TNKS2: variants seen among roughly 807,000 people sequenced by gnomAD.
The protein encoded by TNKS2 is tankyrase 2.
TNKS2 carries 72 observed loss-of-function variants against 137.6 expected under a neutral mutation model. The ratio of observed to expected loss-of-function variants is 0.52; its 90% confidence interval spans 0.43 to 0.64. The LOEUF (loss-of-function observed/expected upper bound fraction) is 0.64, where lower values mean the gene tolerates loss of function less well. Ranked by LOEUF, TNKS2 falls within the 30% of genes least tolerant of loss-of-function variation. The pLI is 0.00. For missense variants in TNKS2, 1,049 were observed against 1,410.2 expected (o/e 0.74, Z 4.10); for synonymous variants, 516 against 512.1 (o/e 1.01, Z -0.10).
In TNKS2 at chr10:91,848,301, A is replaced by T. The variant is rs987297326; in HGVS notation, c.2359-82A>T. The T allele has an allele frequency of 2.8e-6, 4 of 1,425,140 alleles. No individual in the cohort carries two copies. The African/African-American group carries it at 5.8e-5, about 21-fold the overall frequency. The allele number at this position is 1,425,140 out of a possible 1,614,324, so 88.3% of individuals were successfully genotyped here. A position where few individuals can be genotyped will look rare whatever the true frequency, so the allele number is the denominator to read the frequency against. On this transcript the variant is annotated intron_variant, in intron 18 of 26. Coordinates refer to ENST00000371627, the MANE Select transcript of TNKS2 (RefSeq NM_025235.4). ...CTGGCACAAATTGCTGGGTTTTCTCATATTTTTAAATATATTTTATTAGGT... is the reference window on the plus strand; with the variant it reads ...CTGGCACAAATTGCTGGGTTTTCTCTTATTTTTAAATATATTTTATTAGGT...
At chr10:91,840,420 A>G in intron 13 of TNKS2, 141 bp from the exon 14 acceptor site, 2 of 702,600 alleles carry the variant, frequency 2.8e-6, no homozygotes, top group South Asian at 4.3e-5. Context: ...TGAAATAAGA[A>G]TACTAAATAG....
intron 13 of TNKS2, among the ~76,000 whole-genome samples, chr10:91,839,015 C>T (rs920077543): frequency 6.6e-6 from 1 of 152,070 alleles, no homozygotes; most frequent in Non-Finnish European, 1.5e-5. Context: ...TTACAGGCGC[C>T]CGCCACCACG....
Position 91,798,576 on chromosome 10 carries a change from A to G in TNKS2, c.-115A>G. 1 of 1,154,660 alleles carries G rather than the reference A, an allele frequency of 8.7e-7. No homozygotes were observed. Among genetic ancestry groups the G allele is most frequent in the Non-Finnish European group, 1.1e-6 (1 of 928,028 alleles). 71.5% of individuals were successfully genotyped at this position (1,154,660 alleles called of 1,614,324 possible). On this transcript the variant is annotated 5_prime_UTR_variant, in exon 1 of 27. Transcript: ENST00000371627. ...CGGATCCGGTGACAGCAGGGAGCCA[A>G]GCGGCCCGGGCCCTGAGCGCGTCTT...
intron 8 of TNKS2, 88 bp downstream of exon 8, chr10:91,827,291 A>C: frequency 9.0e-7 from 1 of 1,108,816 alleles, no homozygotes; most frequent in Non-Finnish European, 1.2e-6. Context: ...AGAAATGTTT[A>C]AATAATAGAA....
intron 2 of TNKS2, among the ~76,000 whole-genome samples, chr10:91,816,857 A>G (rs576174642): frequency 1.3e-5 from 2 of 152,330 alleles, no homozygotes; most frequent in East Asian, 1.9e-4. Flanking sequence ...ACTCTTATCT[A>G]TCCTTAGTCA....
At chr10:91,850,586 G>A (rs1349427142) in intron 20 of TNKS2, among the ~76,000 whole-genome samples, 1 of 151,824 alleles carries the variant, frequency 6.6e-6, no homozygotes, top group Admixed American at 6.6e-5. Context: ...GGGCGTGGTG[G>A]CGGGCACCTG....
In TNKS2 at chr10:91,816,993, A is replaced by G. The variant is rs189365097; in HGVS notation, c.425-141A>G. 473 of 566,030 alleles carry G rather than the reference A, an allele frequency of 8.4e-4. 1 individual carries two copies. The highest frequency in any genetic ancestry group is 7.8e-3 in the African/African-American group (413 of 52,954). The allele number at this position is 566,030 out of a possible 1,614,324, so 35.1% of individuals were successfully genotyped here. ...GTATTATTTTTATATTTAAAATGTA[A>G]CATTCCCATTCTGACAAGATATGAA... On this transcript the variant is annotated intron_variant, in intron 2 of 26. Coordinates refer to ENST00000371627, the MANE Select transcript of TNKS2 (RefSeq NM_025235.4).
chr10:91,841,702 C>G (rs1309773584), intron 15 of TNKS2, among the ~76,000 whole-genome samples: 1 of 151,852 alleles, frequency 6.6e-6, no homozygotes, highest in South Asian at 2.1e-4. Flanking sequence ...TAGTTTTTCT[C>G]TTTGGTACTT....
chr10:91,799,680 T>C (rs527783809), intron 1 of TNKS2, among the ~76,000 whole-genome samples: 15 of 152,322 alleles, frequency 9.8e-5, no homozygotes, highest in Non-Finnish European at 2.1e-4. Context: ...CATATTAAAT[T>C]TAGTCGAAAA....
At chr10:91,836,880 T>C (rs1589675369) in intron 12 of TNKS2, 39 bp from the exon 13 acceptor site, 2 of 1,591,842 alleles carry the variant, frequency 1.3e-6, no homozygotes, top group Non-Finnish European at 1.7e-6. Flanking sequence ...ATCTTCCAAA[T>C]AGAGGTTAGT....
chr10:91,825,776 A>G (rs1485008089), intron 7 of TNKS2, among the ~76,000 whole-genome samples: 3 of 152,248 alleles, frequency 2.0e-5, no homozygotes, highest in Non-Finnish European at 4.4e-5. Flanking sequence ...GGAAATGGCT[A>G]AAATTAAAAA....
At chr10:91,833,212 C>G (rs905623652) in intron 11 of TNKS2, among the ~76,000 whole-genome samples, 1 of 152,206 alleles carries the variant, frequency 6.6e-6, no homozygotes, top group African/African-American at 2.4e-5. Flanking sequence ...TCCACTTTGA[C>G]AGATAACCAT....
At chr10:91,831,285 CT>C (rs1845238178) in intron 11 of TNKS2, 104 bp downstream of exon 11, 11 of 1,011,784 alleles carry the variant, frequency 1.1e-5, no homozygotes, top group Admixed American at 2.2e-5. Context: ...ATAAGTATTA[CT>C]TTTTTTTCCT....
At position 91,842,194 on chromosome 10, in the gene TNKS2, A is replaced by G; in HGVS notation, c.1862A>G (p.Lys621Arg). Residue 621 changes from lysine to arginine, a missense_variant, in exon 16 of 27, where the codon AAA becomes AGA. Physicochemically the swap from Lys to Arg is conservative, Grantham distance 26 (BLOSUM62 2). Around this residue, in one of 6 missense-constraint regions of TNKS2, gnomAD observed 328 missense variants for 436.0 expected, o/e 0.75. Transcript: ENST00000371627. The part of the protein sequence containing the change: ...LLQHGADPTK[K>R]NRDGNTPLDL... ...TAGCATGGTGCAGACCCTACAAAAA[A>G]AAACAGGGATGGAAATACTCCTTTG... is the stretch of plus-strand genomic sequence containing the variant. The G allele has an allele frequency of 6.2e-7, 1 of 1,613,912 alleles. No individual in the cohort carries two copies.
At chr10:91,854,911 A>AT in intron 21 of TNKS2, 118 bp from the exon 22 acceptor site, 1 of 518,724 alleles carries the variant, frequency 1.9e-6, no homozygotes, top group Non-Finnish European at 3.3e-6. Flanking sequence ...AAAAAAAAAA[A>AT]AAAGTTTAAA....
chr10:91,854,914 A>AAT, intron 21 of TNKS2, 115 bp from the exon 22 acceptor site: 2 of 495,202 alleles, frequency 4.0e-6, no homozygotes, highest in Non-Finnish European at 3.5e-6. Context: ...AAAAAAAAAA[A>AAT]GTTTAAAAAA....
rs763958942 is a variant in TNKS2, at chr10:91,852,085, G to C, written c.2815+749G>C. Among the ~76,000 whole-genome samples the C allele has an allele frequency of 2.7e-5, 4 of 150,418 alleles. No homozygotes were observed. In the East Asian group the frequency reaches 7.9e-4, roughly 30 times the overall value. On this transcript the variant is annotated intron_variant, in intron 21 of 26. Coordinates refer to ENST00000371627, the MANE Select transcript of TNKS2 (RefSeq NM_025235.4). The stretch of plus-strand genomic sequence containing the variant: ...CTACTAAAAATACAAAAAATTAGCC[G>C]GGCGTGGTGGTGGGCACCTGTAGTC...
chr10:91,842,186 T>C lies in TNKS2; in HGVS notation c.1854T>C (p.Pro618=). 1 of 1,612,818 alleles carries C rather than the reference T, an allele frequency of 6.2e-7. No homozygotes were observed. Among genetic ancestry groups the C allele is most frequent in the Non-Finnish European group, 8.5e-7 (1 of 1,179,202 alleles). The part of the protein sequence containing the change: ...CKLLLQHGAD[P]TKKNRDGNTP... ...CACATGCCTAGCATGGTGCAGACCCTACAAAAAAAAACAGGGATGGAAATA... is the reference window on the plus strand; with the variant it reads ...CACATGCCTAGCATGGTGCAGACCCCACAAAAAAAAACAGGGATGGAAATA... The change falls in exon 16 of 27, where the codon CCT becomes CCC. Residue 618 remains proline, a synonymous_variant. Transcript: ENST00000371627.
chr10:91,813,241 G>A, intron 2 of TNKS2, 34 bp downstream of exon 2: 1 of 1,543,522 alleles, frequency 6.5e-7, no homozygotes, highest in Non-Finnish European at 8.9e-7. Context: ...TTTTACTAAT[G>A]TTGTAACTAT....
Sources: gnomAD v4.1 joint callset for allele counts (sites outside exome capture counted in the v4.1 genomes callset) on GRCh38, gnomAD v4.1.1 for gene constraint, gnomAD v4.1.1 regional missense constraint, MANE v1.5 for transcripts, NCBI Gene and HGNC (gene_info 2026-07-23, HGNC 2026-07-21) for gene names.